The following TAF6 variants were observed in gnomAD, a reference collection of about 807,000 sequenced individuals.
TAF6 encodes the protein TATA-box binding protein associated factor 6, also known as transcription initiation factor TFIID subunit 6.
Under a neutral mutation model 73.5 loss-of-function variants are expected in TAF6, and 50 were observed. That is an observed-to-expected ratio of 0.68 (90% CI 0.54 to 0.86). The LOEUF is 0.86. TAF6 is among the 40% of genes least tolerant of loss of function. The pLI is 0.00. For missense variants in TAF6, 768 were observed against 899.5 expected (o/e 0.85, Z 1.87); for synonymous variants, 424 against 376.7 (o/e 1.13, Z -1.45).
At chr7:100,123,896 C>T (rs10233643), upstream of TAF6, among the ~76,000 whole-genome samples, 113 of 152,138 alleles carry the variant, frequency 7.4e-4, no homozygotes, top group African/African-American at 2.5e-3. Context: ...TTTGGGAGGG[C>T]GAGACAGGCG....
rs200629978 is a variant in TAF6 at position 100,113,789 on chromosome 7, C to A, written c.244-20G>T. On this transcript the variant is annotated intron_variant, in intron 3 of 14. Transcript: ENST00000453269. ...GAGTGGCTGTGGCAGGAGAGAGGGG[C>A]ATGGGTAAGAAGGGAGCCGGAGGAG... The A allele has an allele frequency of 1.3e-4, 202 of 1,613,584 alleles. No homozygotes were observed. Among genetic ancestry groups the A allele is most frequent in the Middle Eastern group, 9.9e-4 (6 of 6,060 alleles).
intron 4 of TAF6, 50 bp from the exon 5 acceptor site, chr7:100,113,455 G>A (rs765206279): frequency 4.9e-5 from 75 of 1,538,510 alleles, no homozygotes; most frequent in Non-Finnish European, 6.4e-5. Flanking sequence ...GGACATTGGG[G>A]AGTTGCCCCA....
chr7:100,111,354 G>A, intron 9 of TAF6, 33 bp from the exon 10 acceptor site: 1 of 1,597,536 alleles, frequency 6.3e-7, no homozygotes, highest in Non-Finnish European at 8.6e-7. Flanking sequence ...GCTGATTCTG[G>A]TTTTGTTTGT....
At chr7:100,108,658 TATC>T in intron 12 of TAF6, 118 bp from the exon 13 acceptor site, 1 of 1,185,200 alleles carries the variant, frequency 8.4e-7, no homozygotes, top group Non-Finnish European at 1.2e-6. Flanking sequence ...GGACATTCCT[TATC>T]ATCTCAGTGC....
At position 100,111,831 on chromosome 7, in the gene TAF6, T is replaced by G; in HGVS notation, c.799-2A>C. On this transcript the variant is annotated splice_acceptor_variant, in intron 8 of 14. Coordinates refer to ENST00000453269, the MANE Select transcript of TAF6 (RefSeq NM_139315.3). LOFTEE classifies it high-confidence loss of function. ...GTTCTGAACCACGTTCACACGGACC[T>G]GTGGGAGGGAGAAGTGCTGGGCATG... The G allele has an allele frequency of 6.2e-7, 1 of 1,614,214 alleles. No individual in the cohort carries two copies. Among genetic ancestry groups the G allele is most frequent in the Non-Finnish European group, 8.5e-7 (1 of 1,180,032 alleles).
At chr7:100,107,894 C>G (rs1206496580) in intron 14 of TAF6, 32 bp downstream of exon 14, 2 of 1,575,452 alleles carry the variant, frequency 1.3e-6, no homozygotes, top group South Asian at 1.2e-5. Context: ...CCCAGGCCCT[C>G]CAGATGCTCC....
At chr7:100,123,049 G>A, upstream of TAF6, 1 of 939,732 alleles carries the variant, frequency 1.1e-6, no homozygotes, top group Non-Finnish European at 1.5e-6. Context: ...GATTAAAGTG[G>A]GTCCAGGAGC....
upstream of TAF6, chr7:100,122,784 G>A: frequency 1.2e-6 from 2 of 1,612,718 alleles, no homozygotes; most frequent in Non-Finnish European, 1.7e-6. Context: ...AATCTCTCAG[G>A]GTCAGAGTCA....
rs773211525 is a variant in TAF6 at position 100,110,027 on chromosome 7, C to T, written c.1205G>A (p.Arg402Gln). ...AGGGCCGTCCAGCACACTGCGGATCCGCTCCCCTTCCTGCTGCAGCCGGGG... is the reference window on the plus strand; with the variant it reads ...AGGGCCGTCCAGCACACTGCGGATCTGCTCCCCTTCCTGCTGCAGCCGGGG... ...ILPRLQQEGE[R>Q]IRSVLDGPVL... The change falls in exon 12 of 15, where the codon CGG becomes CAG. Residue 402 changes from arginine (R) to glutamine (Q), a missense_variant. Arg to Gln is a conservative substitution (Grantham distance 43). Around this residue, in one of 5 missense-constraint regions of TAF6, gnomAD observed 69 missense variants for 105.4 expected, o/e 0.65. Transcript: ENST00000453269. The T allele has an allele frequency of 1.4e-5, 22 of 1,614,012 alleles. No homozygotes were observed. The highest frequency in any genetic ancestry group is 1.6e-4 in the Middle Eastern group (1 of 6,084).
At chr7:100,121,116 A>ATTTTTTTTTTTT (rs1163501525), upstream of TAF6, 2 of 52,778 alleles carry the variant, frequency 3.8e-5, no homozygotes, top group African/African-American at 1.9e-4. Flanking sequence ...ATATATATAT[A>ATTTTTTTTTTTT]TTTTTTTTTT....
upstream of TAF6, chr7:100,122,050 A>G (rs76152850): frequency 8.3e-3 from 952 of 114,358 alleles, no homozygotes; most frequent in Middle Eastern, 0.025. Flanking sequence ...AGTCCGTCTG[A>G]AAAAAAAAAA....
rs985019137 is a variant in TAF6, at chr7:100,108,136, G to A, written c.1459-13C>T. On this transcript the variant is annotated splice_polypyrimidine_tract_variant and intron_variant, in intron 13 of 14. Coordinates refer to ENST00000453269, the MANE Select transcript of TAF6 (RefSeq NM_139315.3). ...GCGTGGGCCGGGGCTGCGGGGAGAA[G>A]AGGAAAGGGGGAAGTGGCACCATCT... The A allele has an allele frequency of 1.3e-6, 2 of 1,583,980 alleles. No homozygotes were observed. The highest frequency in any genetic ancestry group is 1.9e-5 in the Admixed American group (1 of 53,804).
chr7:100,107,975 G>A lies in TAF6; in HGVS notation c.1607C>T (p.Thr536Ile). 2 of 1,614,076 alleles carry A rather than the reference G, an allele frequency of 1.2e-6. No individual in the cohort carries two copies. Among genetic ancestry groups the A allele is most frequent in the Non-Finnish European group, 1.7e-6 (2 of 1,179,992 alleles). Reference protein sequence around the residue: ...AAPPQPSPPPTKFIVMSSSSS... With the variant: ...AAPPQPSPPPIKFIVMSSSSS... ...GGACGATGACATTACAATAAACTTG[G>A]TTGGAGGAGGGGAAGGCTGTGGTGG... The change falls in exon 14 of 15, where the codon ACC becomes ATC. Residue 536 changes from threonine (T) to isoleucine (I), a missense_variant. Thr to Ile is a moderately conservative substitution (Grantham distance 89, BLOSUM62 -1). Coordinates refer to ENST00000453269, the MANE Select transcript of TAF6 (RefSeq NM_139315.3).
Position 100,107,464 on chromosome 7 carries a change from ACTT to A in TAF6, c.1813_1815del (p.Lys605del), listed in dbSNP as rs761681706. ...GTTGGGGGAAGTGAGACCACGATGTACTTCTGGACACTCCCAGGACCAGAGGGA... is the reference window on the plus strand; with the variant it reads ...GTTGGGGGAAGTGAGACCACGATGTACTGGACACTCCCAGGACCAGAGGGA... On this transcript the variant is annotated inframe_deletion, in exon 15 of 15. Coordinates refer to ENST00000453269, the MANE Select transcript of TAF6 (RefSeq NM_139315.3). 1.2e-6 allele frequency: 2 copies of A among 1,613,028 alleles called. No homozygotes were observed. Among genetic ancestry groups the A allele is most frequent in the African/African-American group, 1.3e-5 (1 of 74,860 alleles).
At chr7:100,115,875 G>A (rs1337337357) in intron 1 of TAF6, among the ~76,000 whole-genome samples, 2 of 152,052 alleles carry the variant, frequency 1.3e-5, no homozygotes, top group Non-Finnish European at 1.5e-5. Flanking sequence ...GGAGGCTGAG[G>A]CAAGAGAATC....
chr7:100,111,624 A>G lies in TAF6; in HGVS notation c.900+104T>C, dbSNP rs552048417. ...GCAATCCTCCCACTTCGGCCTCCCA[A>G]AGTTGCTGGGATTTCAGGTGTGAGC... On this transcript the variant is annotated intron_variant, in intron 9 of 14. Transcript: ENST00000453269. 1,307 of 1,276,362 alleles carry G rather than the reference A, an allele frequency of 1.0e-3. 1 individual carries two copies. Among genetic ancestry groups the G allele is most frequent in the Non-Finnish European group, 1.3e-3 (1,136 of 883,002 alleles). The allele number at this position is 1,276,362 out of a possible 1,614,324, so 79.1% of individuals were successfully genotyped here.
chr7:100,122,322 T>C (rs1211649497), upstream of TAF6: 3 of 1,613,724 alleles, frequency 1.9e-6, no homozygotes, highest in Non-Finnish European at 2.5e-6. Flanking sequence ...TCTCGAGAGG[T>C]GCTGGAGCTG....
At chr7:100,108,747 G>A (rs1210642172) in intron 12 of TAF6, 2 of 499,428 alleles carry the variant, frequency 4.0e-6, no homozygotes, top group Non-Finnish European at 3.5e-6. Flanking sequence ...AAGAAAAGAT[G>A]GGCACGGGGC....
chr7:100,123,157 C>A (rs549869580), upstream of TAF6, among the ~76,000 whole-genome samples: 179 of 152,058 alleles, frequency 1.2e-3, no homozygotes, highest in African/African-American at 4.0e-3. Flanking sequence ...GCCTGGCCAA[C>A]AAGGCAAAAC....
Sources: allele counts gnomAD v4.1 joint callset (sites outside exome capture counted in the v4.1 genomes callset), GRCh38; gene constraint gnomAD v4.1.1; regional missense constraint gnomAD v4.1.1; transcripts MANE v1.5; gene names NCBI Gene and HGNC (gene_info 2026-07-23, HGNC 2026-07-21).